The following RPSA2 variants were observed in gnomAD, a reference collection of about 807,000 sequenced individuals.
RPSA2 encodes small ribosomal subunit protein uS2B.
chr19:23,838,954 G>A, the RPSA2 span, among the ~76,000 whole-genome samples: 1 of 151,860 alleles, frequency 6.6e-6, no homozygotes, highest in Admixed American at 6.6e-5. Flanking sequence ...ATTTCATTTA[G>A]TTCTGCTCTG....
chr19:23,841,114 T>C, the RPSA2 span, among the ~76,000 whole-genome samples: 1 of 152,326 alleles, frequency 6.6e-6, no homozygotes, highest in East Asian at 1.9e-4. Context: ...TCCTCCAATA[T>C]GTATCAGCAC....
chr19:23,870,604 G>A, the RPSA2 span, among the ~76,000 whole-genome samples: 2 of 152,132 alleles, frequency 1.3e-5, no homozygotes, highest in Non-Finnish European at 2.9e-5. Context: ...TTCCAGCAAG[G>A]CCTGGAGAGC....
chr19:23,827,139 T>A, the RPSA2 span: 4 of 770,872 alleles, frequency 5.2e-6, no homozygotes, highest in South Asian at 5.8e-5. Flanking sequence ...ATTCCCGTCG[T>A]AACTTAAAGG....
chr19:23,866,960 TA>T, the RPSA2 span, among the ~76,000 whole-genome samples: 2 of 152,150 alleles, frequency 1.3e-5, no homozygotes, highest in Admixed American at 1.3e-4. Context: ...CAAATAGTTT[TA>T]ATGTCAAAAG....
chr19:23,822,870 G>A, the RPSA2 span, among the ~76,000 whole-genome samples: 1 of 152,156 alleles, frequency 6.6e-6, no homozygotes, highest in Non-Finnish European at 1.5e-5. Context: ...CTTTCCTGTG[G>A]CTTTCCCTTT....
the RPSA2 span, among the ~76,000 whole-genome samples, chr19:23,804,449 A>T: frequency 1.2e-5 from 1 of 81,576 alleles, no homozygotes; most frequent in Non-Finnish European, 2.5e-5. Flanking sequence ...GGCAACCGCC[A>T]CCACACCCGG....
At chr19:23,786,103 G>T in the RPSA2 span, among the ~76,000 whole-genome samples, 1 of 152,150 alleles carries the variant, frequency 6.6e-6, no homozygotes, top group Non-Finnish European at 1.5e-5. Context: ...GTACTTTAGC[G>T]GGTGAAAATT....
chr19:23,849,411 AAAAGGGTTT>A, the RPSA2 span, among the ~76,000 whole-genome samples: 1 of 152,120 alleles, frequency 6.6e-6, no homozygotes, highest in African/African-American at 2.4e-5. Flanking sequence ...CAAAAAGAGG[AAAAGGGTTT>A]AAAGGGGATT....
the RPSA2 span, among the ~76,000 whole-genome samples, chr19:23,812,388 C>CTTTTTTT: frequency 0.22 from 24,808 of 114,126 alleles, 3,583 homozygotes; most frequent in African/African-American, 0.34. Flanking sequence ...CTCTTTTTCT[C>CTTTTTTT]TTTTTTTTTT....
At chr19:23,758,836 G>T in the RPSA2 span, 1 of 1,583,710 alleles carries the variant, frequency 6.3e-7, no homozygotes, top group Admixed American at 1.7e-5. Flanking sequence ...GCCTCTAGAA[G>T]AAGAGGACAC....
At chr19:23,783,025 G>A in the RPSA2 span, among the ~76,000 whole-genome samples, 2 of 152,048 alleles carry the variant, frequency 1.3e-5, no homozygotes, top group Admixed American at 6.5e-5. Context: ...ATTTAGGTGC[G>A]TCCATCACCT....
chr19:23,781,427 C>T, the RPSA2 span, among the ~76,000 whole-genome samples: 1 of 152,144 alleles, frequency 6.6e-6, no homozygotes, highest in African/African-American at 2.4e-5. Flanking sequence ...CAACTTCTGC[C>T]TCCTGGGTTC....
At chr19:23,761,554 A>G in the RPSA2 span, among the ~76,000 whole-genome samples, 2 of 152,148 alleles carry the variant, frequency 1.3e-5, no homozygotes, top group African/African-American at 4.8e-5. Flanking sequence ...CTTGCCCTGT[A>G]AACTATCACT....
chr19:23,832,162 T>G, the RPSA2 span: 1 of 415,732 alleles, frequency 2.4e-6, no homozygotes. Flanking sequence ...TGGCAAAGCA[T>G]TTTGCCAGCC....
chr19:23,763,318 G>A, the RPSA2 span, among the ~76,000 whole-genome samples: 13 of 152,188 alleles, frequency 8.5e-5, no homozygotes, highest in African/African-American at 3.1e-4. Flanking sequence ...GTCCAGCCCC[G>A]TCCGTGCGGG....
the RPSA2 span, among the ~76,000 whole-genome samples, chr19:23,828,580 G>A: frequency 0.011 from 1,236 of 111,256 alleles, 22 homozygotes; most frequent in African/African-American, 0.038. Context: ...TGCTTTTATC[G>A]TTGTATATTC....
the RPSA2 span, among the ~76,000 whole-genome samples, chr19:23,842,378 G>C: frequency 2.6e-5 from 4 of 152,112 alleles, no homozygotes; most frequent in Non-Finnish European, 5.9e-5. Context: ...TCTTTGTTCA[G>C]AATGAAGGAA....
the RPSA2 span, among the ~76,000 whole-genome samples, chr19:23,773,813 G>T: frequency 1.3e-5 from 2 of 152,166 alleles, no homozygotes; most frequent in Non-Finnish European, 2.9e-5. Flanking sequence ...TCCACAGGAG[G>T]AGTATAGGCT....
At chr19:23,823,090 A>G in the RPSA2 span, among the ~76,000 whole-genome samples, 1 of 152,046 alleles carries the variant, frequency 6.6e-6, no homozygotes, top group Admixed American at 6.6e-5. Flanking sequence ...CCTTATCTAC[A>G]TTTCCTTCAG....
Sources: allele counts gnomAD v4.1 joint callset (sites outside exome capture counted in the v4.1 genomes callset), GRCh38; gene constraint gnomAD v4.1.1; transcripts MANE v1.5; gene names NCBI Gene and HGNC (gene_info 2026-07-23, HGNC 2026-07-21).